Variants in MCF2L observed in about 807,000 individuals in gnomAD.
MCF2L encodes the protein MCF.2 cell line derived transforming sequence like.
In MCF2L, 97 loss-of-function variants were observed where a neutral mutation model predicts 153.4. The observed-to-expected ratio is 0.63, with a 90% CI of 0.54 to 0.75. The LOEUF (loss-of-function observed/expected upper bound fraction) is 0.75. Among genes scored for constraint, MCF2L ranks in the 30% least tolerant of loss-of-function variants. The probability of loss-of-function intolerance (pLI) is 0.00; values close to 1 mark genes in which losing one functional copy is unlikely to be tolerated. For missense variants in MCF2L, 1,347 were observed against 1,495.2 expected, an observed-to-expected ratio of 0.90 and a Z score of 1.64; for synonymous variants, 659 against 632.2, an observed-to-expected ratio of 1.04 and a Z score of -0.64.
At chr13:112,940,080 A>G (rs1049332812) in intron 2 of MCF2L, among the ~76,000 whole-genome samples, 2 of 151,110 alleles carry the variant, frequency 1.3e-5, no homozygotes, top group Non-Finnish European at 2.9e-5. Flanking sequence ...TCAAGTTTTT[A>G]TACAACGGGG....
At chr13:112,906,105 C>G (rs1442007795) in intron 2 of MCF2L, among the ~76,000 whole-genome samples, 1 of 152,214 alleles carries the variant, frequency 6.6e-6, no homozygotes, top group Non-Finnish European at 1.5e-5. Flanking sequence ...TATTTTCCAG[C>G]TCGCTCGGTG....
At chr13:113,047,805 G>A (rs879593375) in intron 4 of MCF2L, among the ~76,000 whole-genome samples, 13 of 150,604 alleles carry the variant, frequency 8.6e-5, no homozygotes, top group East Asian at 2.0e-4. Context: ...CGTGTGCCCC[G>A]TCCCCTCTGC....
intron 7 of MCF2L, 139 bp from the exon 8 acceptor site, chr13:113,065,907 C>T (rs897587889): frequency 5.7e-6 from 5 of 884,236 alleles, no homozygotes; most frequent in Non-Finnish European, 8.3e-6. Context: ...ACAGAAGAGA[C>T]TGGGAAGACT....
At position 113,085,329 on chromosome 13, in the gene MCF2L, G is replaced by A. The variant is rs1297066875; in HGVS notation, c.2247+151G>A. The A allele has an allele frequency of 1.2e-5, 8 of 664,796 alleles. No homozygotes were observed. The African/African-American group carries it at 1.4e-4, about 12-fold the overall frequency. The allele number at this position is 664,796 out of a possible 1,614,324, so 41.2% of individuals were successfully genotyped here. A position where few individuals can be genotyped will look rare whatever the true frequency, so the allele number is the denominator to read the frequency against. On this transcript the variant is annotated intron_variant, in intron 20 of 29. Coordinates refer to ENST00000535094, the MANE Select transcript of MCF2L (RefSeq NM_001112732.3). Reference sequence around the variant, plus strand: ...GTGCTGAGGCTGGGATGCCTTTCGAGGTCCTACTGTGCGCCACTGTTAGGG... The same window carrying A: ...GTGCTGAGGCTGGGATGCCTTTCGAAGTCCTACTGTGCGCCACTGTTAGGG...
chr13:113,001,894 G>C, intron 1 of MCF2L: 1 of 1,586,060 alleles, frequency 6.3e-7, no homozygotes, highest in Admixed American at 1.7e-5. Context: ...GGGGGCTCCT[G>C]ACTCGCACTG....
At chr13:112,902,268 A>G (rs1375654408) in exon 2 of MCF2L, 2 of 1,612,856 alleles carry the variant, frequency 1.2e-6, no homozygotes, top group Non-Finnish European at 1.7e-6. Context: ...CTTCCCCACA[A>G]CGGCCCAATG....
chr13:113,026,077 C>T (rs143517522), intron 3 of MCF2L, among the ~76,000 whole-genome samples: 3 of 59,030 alleles, frequency 5.1e-5, no homozygotes, highest in Admixed American at 3.4e-4. Flanking sequence ...ATGCGGTCCC[C>T]GTGACTGTGG....
At chr13:112,994,629 TG>T (rs1294420123) in intron 1 of MCF2L, among the ~76,000 whole-genome samples, 2 of 152,224 alleles carry the variant, frequency 1.3e-5, no homozygotes, top group South Asian at 2.1e-4. Flanking sequence ...GACCAATGTG[TG>T]GAGAGCCGGG....
Position 113,065,091 on chromosome 13 carries a change from TG to T in MCF2L, c.756+12del. On this transcript the variant is annotated splice_region_variant and intron_variant, in intron 7 of 29. Transcript: ENST00000535094. ...AGAAGAAGGACAAGGCGAAGGTACA[TG>T]GGGGGTGCTCCGGCTGGAAGCTGTG... The T allele has an allele frequency of 4.8e-6, 7 of 1,460,824 alleles. No homozygotes were observed. Among genetic ancestry groups the T allele is most frequent in the South Asian group, 1.2e-5 (1 of 85,564 alleles). 90.5% of individuals were successfully genotyped at this position (1,460,824 alleles called of 1,614,324 possible).
chr13:113,081,545 C>G (rs1003323478), intron 16 of MCF2L, among the ~76,000 whole-genome samples: 1 of 152,260 alleles, frequency 6.6e-6, no homozygotes. Flanking sequence ...ATGCACAAAC[C>G]ACACACACAT....
chr13:113,027,112 AGAG>A lies in MCF2L; in HGVS notation c.278+2358_278+2360del. 1 of 722,990 alleles carries A rather than the reference AGAG, an allele frequency of 1.4e-6. No individual in the cohort carries two copies. Among genetic ancestry groups the A allele is most frequent in the Non-Finnish European group, 2.5e-6 (1 of 396,076 alleles). 44.8% of individuals were successfully genotyped at this position (722,990 alleles called of 1,614,324 possible). ...CACATTACATAAGGTGGCAAAACAC[AGAG>A]GAGATGTTTAACCATCAGCGTGAAA... On this transcript the variant is annotated intron_variant, in intron 3 of 29. Coordinates refer to ENST00000535094, the MANE Select transcript of MCF2L (RefSeq NM_001112732.3). The surrounding 1 kb of genome is among the most constrained non-coding windows in gnomAD (Gnocchi z 4.8).
At position 113,078,344 on chromosome 13, in the gene MCF2L, C is replaced by A. The variant is rs1283375725; in HGVS notation, c.1661-19C>A. The A allele has an allele frequency of 1.2e-6, 2 of 1,605,592 alleles. No homozygotes were observed. The highest frequency in any genetic ancestry group is 2.7e-5 in the African/African-American group (2 of 74,790). Reference sequence around the variant, plus strand: ...GGGTCAGAGGGGACTTCATGCCCCGCTCCCCTTCTTCCCAACAGGCATTCG... The same window carrying A: ...GGGTCAGAGGGGACTTCATGCCCCGATCCCCTTCTTCCCAACAGGCATTCG... On this transcript the variant is annotated intron_variant, in intron 13 of 29. Coordinates refer to ENST00000535094, the MANE Select transcript of MCF2L (RefSeq NM_001112732.3).
At chr13:113,000,967 CAGG>C (rs1566713492) in intron 1 of MCF2L, among the ~76,000 whole-genome samples, 1 of 152,212 alleles carries the variant, frequency 6.6e-6, no homozygotes, top group Non-Finnish European at 1.5e-5. Flanking sequence ...GTGATATTCT[CAGG>C]AGATGTGCGT....
chr13:112,963,337 T>C (rs4907570), intron 2 of MCF2L, among the ~76,000 whole-genome samples: 99,378 of 152,208 alleles, frequency 0.65, 32,745 homozygotes, highest in Non-Finnish European at 0.71. Context: ...CCGTGCTCCT[T>C]CTGGCCAGGA....
At chr13:113,004,289 G>A (rs543647643) in intron 1 of MCF2L, among the ~76,000 whole-genome samples, 1 of 152,328 alleles carries the variant, frequency 6.6e-6, no homozygotes, top group East Asian at 1.9e-4. Flanking sequence ...CTGCCCGTCA[G>A]TGTGCGGCCA....
At chr13:112,924,228 C>G (rs147267972) in intron 2 of MCF2L, among the ~76,000 whole-genome samples, 40 of 152,230 alleles carry the variant, frequency 2.6e-4, no homozygotes, top group East Asian at 2.1e-3. Flanking sequence ...ACAACCCCCC[C>G]ACGATGTGTC....
At chr13:113,000,378 C>T (rs767592459) in intron 1 of MCF2L, among the ~76,000 whole-genome samples, 6 of 152,244 alleles carry the variant, frequency 3.9e-5, no homozygotes, top group East Asian at 1.9e-4. Context: ...CTTGCAGAAG[C>T]GACATTCCTG....
intron 1 of MCF2L, among the ~76,000 whole-genome samples, chr13:112,987,610 C>T (rs967557522): frequency 6.6e-6 from 1 of 152,200 alleles, no homozygotes; most frequent in Admixed American, 6.5e-5. Flanking sequence ...GCAACGTTTT[C>T]ACTTCCATGG....
chr13:112,897,982 GC>G (rs1397744993), intron 1 of MCF2L, among the ~76,000 whole-genome samples: 1 of 151,912 alleles, frequency 6.6e-6, no homozygotes, highest in Non-Finnish European at 1.5e-5. Context: ...TCCAGCCCCA[GC>G]CCCGGCCCCG....
Sources: allele counts gnomAD v4.1 joint callset (sites outside exome capture counted in the v4.1 genomes callset), GRCh38; gene constraint gnomAD v4.1.1; non-coding constraint Gnocchi (gnomAD v3.1); transcripts MANE v1.5; gene names NCBI Gene and HGNC (gene_info 2026-07-23, HGNC 2026-07-21).